TBC1D16: variants seen among roughly 807,000 people sequenced by gnomAD.
TBC1D16 encodes CTD-2529O21.1.
TBC1D16 carries 58 observed loss-of-function variants against 74.7 expected under a neutral mutation model. The observed-to-expected ratio is 0.78, with a 90% CI of 0.63 to 0.97. The LOEUF (loss-of-function observed/expected upper bound fraction) is 0.97, where lower values mean the gene tolerates loss of function less well. TBC1D16 is among the 50% of genes least tolerant of loss of function. TBC1D16 has a pLI of 0.00. For missense variants in TBC1D16, 1,014 were observed against 1,079.5 expected (o/e 0.94, Z 0.85); for synonymous variants, 493 against 474.7 (o/e 1.04, Z -0.50).
rs1315407373 is a variant in TBC1D16 at position 79,986,366 on chromosome 17, T to G, written c.779+23794A>C. Among the ~76,000 whole-genome samples, 1 of 152,216 alleles carries G rather than the reference T, an allele frequency of 6.6e-6. No individual in the cohort carries two copies. The highest frequency in any genetic ancestry group is 2.4e-5 in the African/African-American group (1 of 41,460). On this transcript the variant is annotated intron_variant, in intron 3 of 11. Coordinates refer to ENST00000310924, the MANE Select transcript of TBC1D16 (RefSeq NM_019020.4). This position sits in a 1 kb window ranked among gnomAD's most constrained non-coding sequence, Gnocchi z 6.0. ...TCTGAGCACCTCTTAGACAGAAGTC[T>G]GGGCAGACGCAAATGTGCAGCGTTT...
At chr17:79,996,602 C>T (rs1269877155) in intron 3 of TBC1D16, among the ~76,000 whole-genome samples, 1 of 152,130 alleles carries the variant, frequency 6.6e-6, no homozygotes, top group East Asian at 1.9e-4. Context: ...GCACATAGGC[C>T]GGGAACGGTG....
chr17:79,983,708 C>T lies in TBC1D16; in HGVS notation c.779+26452G>A, dbSNP rs927876013. ...TCCTTCTGGAGACCGGGGCACGGAACGACCAGACTGGGGAGGAAGGAGTGG... is the reference window on the plus strand; with the variant it reads ...TCCTTCTGGAGACCGGGGCACGGAATGACCAGACTGGGGAGGAAGGAGTGG... On this transcript the variant is annotated intron_variant, in intron 3 of 11. Transcript: ENST00000310924. This position sits in a 1 kb window ranked among gnomAD's most constrained non-coding sequence, Gnocchi z 5.6. Among the ~76,000 whole-genome samples the T allele has an allele frequency of 3.9e-5, 6 of 152,156 alleles. No homozygotes were observed. Among genetic ancestry groups the T allele is most frequent in the East Asian group, 1.9e-4 (1 of 5,194 alleles).
At chr17:79,982,564 C>CT (rs1216987715) in intron 3 of TBC1D16, among the ~76,000 whole-genome samples, 1 of 151,642 alleles carries the variant, frequency 6.6e-6, no homozygotes, top group Non-Finnish European at 1.5e-5. Context: ...TAAACATTCC[C>CT]TGAGGCTTGG....
At chr17:79,963,980 G>C (rs11651048) in intron 3 of TBC1D16, among the ~76,000 whole-genome samples, 3,659 of 127,352 alleles carry the variant, frequency 0.029, 62 homozygotes, top group South Asian at 0.05. Flanking sequence ...GTGTGTGTCT[G>C]TTTGTTTGTT....
Position 79,948,998 on chromosome 17 carries a change from A to T in TBC1D16, c.1415T>A (p.Met472Lys). ...YSEIQQKRLS[M>K]TPEEHRAFWR... ...GAACGCTCTGTGCTCCTCGGGAGTCATGGAGAGCCTGTGTGGAGCCGAGCA... is the reference window on the plus strand; with the variant it reads ...GAACGCTCTGTGCTCCTCGGGAGTCTTGGAGAGCCTGTGTGGAGCCGAGCA... Residue 472 changes from methionine to lysine, a missense_variant, in exon 8 of 12, where the codon ATG becomes AAG. Physicochemically the swap from Met to Lys is moderately conservative, Grantham distance 95. Transcript: ENST00000310924. 1 of 1,614,102 alleles carries T rather than the reference A, an allele frequency of 6.2e-7. No homozygotes were observed. Among genetic ancestry groups the T allele is most frequent in the Non-Finnish European group, 8.5e-7 (1 of 1,179,984 alleles).
In TBC1D16 at chr17:79,979,395, T is replaced by C. The variant is rs2034482251; in HGVS notation, c.780-26577A>G. 6.6e-6 allele frequency among the ~76,000 whole-genome samples: 1 copy of C among 152,018 alleles called. No individual in the cohort carries two copies. ...GCTCAGGCATCCCCAGTGCCGCCAA[T>C]CACGTGGCCCTCTCGAGGTGAAGCT... On this transcript the variant is annotated intron_variant, in intron 3 of 11. Transcript: ENST00000310924. The surrounding 1 kb of genome is among the most constrained non-coding windows in gnomAD (Gnocchi z 4.8).
At chr17:79,973,401 C>T (rs1245083365) in intron 3 of TBC1D16, among the ~76,000 whole-genome samples, 15 of 151,956 alleles carry the variant, frequency 9.9e-5, no homozygotes, top group Admixed American at 7.2e-4. Flanking sequence ...AGTTAGACCC[C>T]GTCTTTATAA....
At chr17:80,032,632 C>G (rs567987840) in intron 1 of TBC1D16, among the ~76,000 whole-genome samples, 1 of 152,156 alleles carries the variant, frequency 6.6e-6, no homozygotes, top group Admixed American at 6.5e-5. Flanking sequence ...CTGAGGTGAA[C>G]GGAAAAAGGC....
At chr17:80,020,276 A>G (rs921204588) in intron 1 of TBC1D16, among the ~76,000 whole-genome samples, 3 of 149,764 alleles carry the variant, frequency 2.0e-5, no homozygotes, top group Non-Finnish European at 4.4e-5. Flanking sequence ...AATATACCAC[A>G]TTATTAACAC....
In TBC1D16 at chr17:79,940,967, C is replaced by T. The variant is rs146271819; in HGVS notation, c.2196G>A (p.Ser732=). Residue 732 remains serine (S), a synonymous_variant, in exon 12 of 12, where the codon TCG becomes TCA. Transcript: ENST00000310924. This position sits in a 1 kb window ranked among gnomAD's most constrained non-coding sequence, Gnocchi z 5.4. ...CCGTGCCCCCGTAGGGACAGCTCTC[C>T]GAGCCGGGATGGTGGCCGGTGCACT... The part of the protein sequence containing the change: ...AVECTGHHPG[S]ESCPYGGTVE... 2.0e-5 allele frequency: 32 copies of T among 1,604,152 alleles called. No homozygotes were observed. The African/African-American group carries it at 2.7e-4, about 13-fold the overall frequency.
chr17:79,960,773 AAAACCC>A, intron 3 of TBC1D16, among the ~76,000 whole-genome samples: 1 of 115,426 alleles, frequency 8.7e-6, no homozygotes, highest in Non-Finnish European at 1.8e-5. Context: ...CCAAAAAACA[AAAACCC>A]AAAAAAAAAA....
chr17:80,027,764 C>T (rs1165593041), intron 1 of TBC1D16, among the ~76,000 whole-genome samples: 1 of 151,190 alleles, frequency 6.6e-6, no homozygotes. Flanking sequence ...TGGTGGCAGG[C>T]GCCTGTAATC....
rs1550679 is a variant in TBC1D16, at chr17:79,936,939, T to C, written c.*3920A>G. ...GTGTGTGTGTGTGTGTGTGTGTGTG[T>C]GCGCATTTTCCCAGGGGACCTCTCC... On this transcript the variant is annotated 3_prime_UTR_variant, in exon 12 of 12. Transcript: ENST00000310924. 2.3e-3 allele frequency: 346 copies of C among 148,950 alleles called. 2 individuals are homozygous for C. Among genetic ancestry groups the C allele is most frequent in the South Asian group, 0.011 (52 of 4,656 alleles). 9.2% of individuals were successfully genotyped at this position (148,950 alleles called of 1,614,324 possible). A position where few individuals can be genotyped will look rare whatever the true frequency, so the allele number is the denominator to read the frequency against.
rs567543176 is a variant in TBC1D16, at chr17:79,981,544, G to A, written c.779+28616C>T. Reference sequence around the variant, plus strand: ...AAGAAGACACCAGGTGAACAAGCACGCAGAGACATATTCAAGATCGTCGGT... The same window carrying A: ...AAGAAGACACCAGGTGAACAAGCACACAGAGACATATTCAAGATCGTCGGT... On this transcript the variant is annotated intron_variant, in intron 3 of 11. Coordinates refer to ENST00000310924, the MANE Select transcript of TBC1D16 (RefSeq NM_019020.4). This position sits in a 1 kb window ranked among gnomAD's most constrained non-coding sequence, Gnocchi z 6.9. Among the ~76,000 whole-genome samples the A allele has an allele frequency of 1.2e-3, 182 of 152,292 alleles. No homozygotes were observed. The highest frequency in any genetic ancestry group is 4.0e-3 in the African/African-American group (167 of 41,554).
chr17:80,016,986 A>G (rs2036111315), intron 1 of TBC1D16, among the ~76,000 whole-genome samples: 3 of 152,238 alleles, frequency 2.0e-5, no homozygotes, highest in South Asian at 4.2e-4. Context: ...GTGGGGACCC[A>G]GCTCAGATCC....
chr17:80,003,337 G>A (rs185709703), intron 3 of TBC1D16, among the ~76,000 whole-genome samples: 13 of 152,328 alleles, frequency 8.5e-5, no homozygotes, highest in Admixed American at 2.0e-4. Context: ...TGGCCACCCC[G>A]GGAACGCATG....
At position 80,010,576 on chromosome 17, in the gene TBC1D16, G is replaced by A; in HGVS notation, c.363C>T (p.Ala121=). The change falls in exon 3 of 12, where the codon GCC becomes GCT. Residue 121 remains alanine (A), a synonymous_variant. Coordinates refer to ENST00000310924, the MANE Select transcript of TBC1D16 (RefSeq NM_019020.4). This position sits in a 1 kb window ranked among gnomAD's most constrained non-coding sequence, Gnocchi z 8.8. ...PRGRRTRSSG[A]SHQPSPTELR... ...GCTCCGTCGGGGAGGGCTGGTGGGAGGCTCCTGAGCTCCGGGTGCGCCGGC... is the reference window on the plus strand; with the variant it reads ...GCTCCGTCGGGGAGGGCTGGTGGGAAGCTCCTGAGCTCCGGGTGCGCCGGC... 1 of 1,600,898 alleles carries A rather than the reference G, an allele frequency of 6.2e-7. No homozygotes were observed.
chr17:79,943,258 A>T (rs2032189564), intron 10 of TBC1D16, among the ~76,000 whole-genome samples: 1 of 152,064 alleles, frequency 6.6e-6, no homozygotes, highest in African/African-American at 2.4e-5. Flanking sequence ...ATCCTTTTGC[A>T]GTGATTTGAA....
In TBC1D16 at chr17:80,010,809, G is replaced by A; in HGVS notation, c.182-52C>T. 1 of 1,351,684 alleles carries A rather than the reference G, an allele frequency of 7.4e-7. No homozygotes were observed. Among genetic ancestry groups the A allele is most frequent in the South Asian group, 1.7e-5 (1 of 57,784 alleles). 83.7% of individuals were successfully genotyped at this position (1,351,684 alleles called of 1,614,324 possible). On this transcript the variant is annotated intron_variant, in intron 2 of 11. Coordinates refer to ENST00000310924, the MANE Select transcript of TBC1D16 (RefSeq NM_019020.4). The surrounding 1 kb of genome is among the most constrained non-coding windows in gnomAD (Gnocchi z 8.8). ...TTAGAGGCCAGGAGGCTGTGGATGA[G>A]GCCCTTGTGGTACCTTTGGCGAGCT...
Sources: gnomAD v4.1 joint callset for allele counts (sites outside exome capture counted in the v4.1 genomes callset) on GRCh38, gnomAD v4.1.1 for gene constraint, Gnocchi (gnomAD v3.1) non-coding constraint, MANE v1.5 for transcripts, NCBI Gene and HGNC (gene_info 2026-07-23, HGNC 2026-07-21) for gene names.